MCF2L2: variants seen among roughly 807,000 people sequenced by gnomAD.
MCF2L2 encodes the protein MCF.2 cell line derived transforming sequence-like 2.
Under a neutral mutation model 150.2 loss-of-function variants are expected in MCF2L2, and 102 were observed. The observed-to-expected ratio is 0.68, with a 90% CI of 0.58 to 0.80. The LOEUF (loss-of-function observed/expected upper bound fraction) is 0.80, where lower values mean the gene tolerates loss of function less well. Among genes scored for constraint, MCF2L2 ranks in the 30% least tolerant of loss-of-function variants. The pLI is 0.00. For synonymous variants in MCF2L2, 465 were observed against 491.3 expected, an observed-to-expected ratio of 0.95 and a Z score of 0.71; for missense variants, 1,256 against 1,372.8, an observed-to-expected ratio of 0.91 and a Z score of 1.34.
intron 14 of MCF2L2, among the ~76,000 whole-genome samples, chr3:183,285,156 A>C (rs75693628): frequency 0.02 from 3,025 of 152,282 alleles, 60 homozygotes; most frequent in East Asian, 0.052. Flanking sequence ...TCACACTGAC[A>C]ATTCTGTCTC....
chr3:183,355,393 G>A (rs967983287), intron 3 of MCF2L2, among the ~76,000 whole-genome samples: 1 of 151,590 alleles, frequency 6.6e-6, no homozygotes, highest in Non-Finnish European at 1.5e-5. Flanking sequence ...AGTAGAGGGG[G>A]GCAGAAAGCA....
chr3:183,211,031 C>A (rs964034165), intron 22 of MCF2L2, among the ~76,000 whole-genome samples: 1 of 151,934 alleles, frequency 6.6e-6, no homozygotes, highest in African/African-American at 2.4e-5. Flanking sequence ...TAGGGGAAAG[C>A]AGGCAGTGGA....
At chr3:183,423,609 G>A (rs1162303210) in intron 1 of MCF2L2, among the ~76,000 whole-genome samples, 1 of 150,428 alleles carries the variant, frequency 6.6e-6, no homozygotes, top group Middle Eastern at 3.2e-3. Context: ...TTACTGACGT[G>A]GACCATTTTT....
At chr3:183,332,202 A>G (rs533295800) in intron 5 of MCF2L2, among the ~76,000 whole-genome samples, 40 of 152,334 alleles carry the variant, frequency 2.6e-4, no homozygotes, top group African/African-American at 9.1e-4. Flanking sequence ...ATTAAGCTTG[A>G]TAACTTCAGA....
At chr3:183,423,632 G>GTTTT (rs34400256) in intron 1 of MCF2L2, among the ~76,000 whole-genome samples, 133 of 92,038 alleles carry the variant, frequency 1.4e-3, no homozygotes, top group Admixed American at 2.2e-3. Flanking sequence ...AATTTTATTT[G>GTTTT]TTTTTTTTTT....
At position 183,270,112 on chromosome 3, in the gene MCF2L2, C is replaced by G. The variant is rs761216902; in HGVS notation, c.1862+6760G>C. The G allele has an allele frequency of 6.2e-7, 1 of 1,614,118 alleles. No homozygotes were observed. Among genetic ancestry groups the G allele is most frequent in the African/African-American group, 1.3e-5 (1 of 75,026 alleles). ...GCTCCTGAAAACTATGATCGACGTT[C>G]CGGAATTAGAAGGACGTGGGGCAAT... is the stretch of plus-strand genomic sequence containing the variant. On this transcript the variant is annotated intron_variant, in intron 15 of 29. Coordinates refer to ENST00000328913, the MANE Select transcript of MCF2L2 (RefSeq NM_015078.4). The surrounding 1 kb of genome is among the most constrained non-coding windows in gnomAD (Gnocchi z 4.5).
Position 183,270,685 on chromosome 3 carries a change from T to C in MCF2L2, c.1862+6187A>G. ...CTCTGTGCCAATAAAATAGGGATAG[T>C]ACCGCAGGACCATGTGTTTTTTTCT... On this transcript the variant is annotated intron_variant, in intron 15 of 29. Transcript: ENST00000328913. The surrounding 1 kb of genome is among the most constrained non-coding windows in gnomAD (Gnocchi z 4.5). 1.2e-6 allele frequency: 2 copies of C among 1,614,144 alleles called. No individual in the cohort carries two copies. Among genetic ancestry groups the C allele is most frequent in the Admixed American group, 1.7e-5 (1 of 60,022 alleles).
At position 183,223,379 on chromosome 3, in the gene MCF2L2, G is replaced by T. The variant is rs764785366; in HGVS notation, c.2268C>A (p.Ser756Arg). ...LPLFKYLKGP[S>R]QRLIKYQMLL... ...GCATCTGGTATTTTATAAGTCTCTG[G>T]CTTGGTCCTTTGAGATACTTAAAAA... Residue 756 changes from serine to arginine, a missense_variant, in exon 20 of 30, where the codon AGC becomes AGA. Ser to Arg is a moderately radical substitution (Grantham distance 110). Coordinates refer to ENST00000328913, the MANE Select transcript of MCF2L2 (RefSeq NM_015078.4). 1.2e-5 allele frequency: 19 copies of T among 1,614,118 alleles called. No individual in the cohort carries two copies. In the South Asian group the frequency reaches 2.1e-4, roughly 18 times the overall value.
chr3:183,340,733 A>G (rs936415248), intron 4 of MCF2L2, among the ~76,000 whole-genome samples: 56 of 152,114 alleles, frequency 3.7e-4, no homozygotes, highest in African/African-American at 1.3e-3. Context: ...ACTTGAGGTC[A>G]GGAGTTCGAG....
intron 3 of MCF2L2, among the ~76,000 whole-genome samples, chr3:183,347,740 G>T (rs1246770462): frequency 6.6e-6 from 1 of 152,146 alleles, no homozygotes; most frequent in Non-Finnish European, 1.5e-5. Context: ...AGTGGGTGAA[G>T]GATATGAACA....
intron 27 of MCF2L2, chr3:183,192,759 G>A (rs1721942512): frequency 2.4e-6 from 1 of 416,734 alleles, no homozygotes; most frequent in South Asian, 6.8e-5. Flanking sequence ...TGGATAAGGG[G>A]GTGCTCCTGT....
At chr3:183,327,662 C>T (rs1300883251) in intron 5 of MCF2L2, among the ~76,000 whole-genome samples, 3 of 152,206 alleles carry the variant, frequency 2.0e-5, no homozygotes, top group Non-Finnish European at 4.4e-5. Flanking sequence ...TTTCAATGCC[C>T]TGTTCCTGAA....
intron 7 of MCF2L2, among the ~76,000 whole-genome samples, chr3:183,315,745 C>G (rs1729577577): frequency 6.6e-6 from 1 of 152,116 alleles, no homozygotes; most frequent in East Asian, 1.9e-4. Context: ...TGTAGAGAAA[C>G]TATAGAACAC....
intron 3 of MCF2L2, among the ~76,000 whole-genome samples, chr3:183,343,395 G>A (rs1038349781): frequency 6.7e-6 from 1 of 149,890 alleles, no homozygotes; most frequent in South Asian, 2.1e-4. Context: ...TTTTGAGACG[G>A]AGTCTCACTT....
chr3:183,201,691 C>G (rs905785925), intron 25 of MCF2L2, among the ~76,000 whole-genome samples: 1 of 152,314 alleles, frequency 6.6e-6, no homozygotes, highest in East Asian at 1.9e-4. Flanking sequence ...GAGGGCATCC[C>G]TGTCTTCTGC....
At chr3:183,210,959 C>T (rs1280739979) in intron 22 of MCF2L2, among the ~76,000 whole-genome samples, 1 of 152,066 alleles carries the variant, frequency 6.6e-6, no homozygotes, top group Non-Finnish European at 1.5e-5. Context: ...TGTGATCTCT[C>T]CCTGAACTGA....
At chr3:183,201,884 A>G (rs1376755080) in intron 25 of MCF2L2, among the ~76,000 whole-genome samples, 7 of 152,216 alleles carry the variant, frequency 4.6e-5, no homozygotes, top group African/African-American at 1.7e-4. Context: ...TGAGATAATC[A>G]TGTGGTTTTT....
chr3:183,363,397 C>T (rs1417597793), intron 3 of MCF2L2, among the ~76,000 whole-genome samples: 1 of 152,028 alleles, frequency 6.6e-6, no homozygotes, highest in Non-Finnish European at 1.5e-5. Flanking sequence ...TTCATAATTG[C>T]CAAAACTGAA....
intron 1 of MCF2L2, among the ~76,000 whole-genome samples, chr3:183,412,371 T>C (rs1236375421): frequency 2.0e-5 from 3 of 152,164 alleles, no homozygotes; most frequent in African/African-American, 7.2e-5. Context: ...CTCAGCTCAC[T>C]GCAACCTCCA....
Sources: gnomAD v4.1 joint callset for allele counts (sites outside exome capture counted in the v4.1 genomes callset) on GRCh38, gnomAD v4.1.1 for gene constraint, Gnocchi (gnomAD v3.1) non-coding constraint, MANE v1.5 for transcripts, NCBI Gene and HGNC (gene_info 2026-07-23, HGNC 2026-07-21) for gene names.